PELP1: variants seen among roughly 807,000 people sequenced by gnomAD.
PELP1 encodes proline-, glutamic acid- and leucine-rich protein 1.
In PELP1, 32 loss-of-function variants were observed where a neutral mutation model predicts 95.5. That is an observed-to-expected ratio of 0.34 (90% CI 0.25 to 0.45). The LOEUF (loss-of-function observed/expected upper bound fraction) is 0.45, where lower values mean the gene tolerates loss of function less well. Ranked by LOEUF, PELP1 falls within the 20% of genes least tolerant of loss-of-function variation. The probability of loss-of-function intolerance (pLI) is 1.00; values close to 1 mark genes in which losing one functional copy is unlikely to be tolerated. For synonymous variants in PELP1, 668 were observed against 600.1 expected, an observed-to-expected ratio of 1.11 and a Z score of -1.65; for missense variants, 1,358 against 1,444.8, an observed-to-expected ratio of 0.94 and a Z score of 0.97.
intron 1 of PELP1, among the ~76,000 whole-genome samples, chr17:4,700,992 T>TTA (rs1913505236): frequency 1.4e-4 from 4 of 29,410 alleles, no homozygotes; most frequent in Non-Finnish European, 1.7e-4. Context: ...AAAGTTCCAC[T>TTA]AAAAAAAAAA....
At position 4,671,562 on chromosome 17, in the gene PELP1, T is replaced by A. The variant is rs757181574; in HGVS notation, c.3301-31A>T. ...AGGCACAAAGATACAAGATTCAGAA[T>A]AGTCACACACACATACACAGAAGAA... is the stretch of plus-strand genomic sequence containing the variant. On this transcript the variant is annotated intron_variant, in intron 16 of 16. Coordinates refer to ENST00000572293, the MANE Select transcript of PELP1 (RefSeq NM_014389.3). 18 of 1,612,608 alleles carry A rather than the reference T, an allele frequency of 1.1e-5. 1 individual carries two copies. The South Asian group carries it at 1.5e-4, about 14-fold the overall frequency.
At position 4,672,403 on chromosome 17, in the gene PELP1, T is replaced by A; in HGVS notation, c.2588A>T (p.Glu863Val). The change falls in exon 16 of 17, where the codon GAA (glutamate) becomes GTA (valine). Residue 863 changes from glutamate (E) to valine (V), a missense_variant. Coordinates refer to ENST00000572293, the MANE Select transcript of PELP1 (RefSeq NM_014389.3). ...VTLPPPQLVP[E>V]GTPGGGGPPA... ...GGGTCCTCCCCCACCAGGAGTCCCT[T>A]CAGGGACCAACTGGGGTGGAGGGAG... The A allele has an allele frequency of 6.4e-7, 1 of 1,562,824 alleles. No individual in the cohort carries two copies. Among genetic ancestry groups the A allele is most frequent in the South Asian group, 1.2e-5 (1 of 84,850 alleles).
intron 1 of PELP1, among the ~76,000 whole-genome samples, chr17:4,701,320 G>GA (rs2150568155): frequency 7.9e-6 from 1 of 126,088 alleles, no homozygotes; most frequent in South Asian, 2.7e-4. Flanking sequence ...AGGAGGATGA[G>GA]AGTTGGGGGG....
chr17:4,681,619 A>G (rs1377299689), intron 5 of PELP1, among the ~76,000 whole-genome samples: 8 of 151,184 alleles, frequency 5.3e-5, no homozygotes, highest in South Asian at 2.1e-4. Context: ...GGCCAACATG[A>G]TGAAACCCCA....
chr17:4,673,673 G>A lies in PELP1; in HGVS notation c.1584C>T (p.Gly528=), dbSNP rs1330764872. ...NSDVCAAALR[G]LSRTILMCGP... ...CACACATGAGGATGGTCCGGCTGAGGCCTGGGGAAGAAGAATGGTGTGTAA... is the reference window on the plus strand; with the variant it reads ...CACACATGAGGATGGTCCGGCTGAGACCTGGGGAAGAAGAATGGTGTGTAA... The change falls in exon 14 of 17, where the codon GGC becomes GGT. Residue 528 remains glycine (G), a splice_region_variant and synonymous_variant. Coordinates refer to ENST00000572293, the MANE Select transcript of PELP1 (RefSeq NM_014389.3). The surrounding 1 kb of genome is among the most constrained non-coding windows in gnomAD (Gnocchi z 5.7). 1 of 1,613,728 alleles carries A rather than the reference G, an allele frequency of 6.2e-7. No homozygotes were observed. The highest frequency in any genetic ancestry group is 8.5e-7 in the Non-Finnish European group (1 of 1,179,658).
In PELP1 at chr17:4,674,666, G is replaced by A. The variant is rs988760771; in HGVS notation, c.1426C>T (p.Arg476Cys). The change falls in exon 13 of 17, where the codon CGT (arginine) becomes TGT (cysteine). Residue 476 changes from arginine to cysteine, a missense_variant. By Grantham distance (180) the Arg-to-Cys change is radical (BLOSUM62 -3). Transcript: ENST00000572293. Reference protein sequence around the residue: ...ISPPADALKLRSPRGSPDGSL... With the variant: ...ISPPADALKLCSPRGSPDGSL... Reference sequence around the variant, plus strand: ...CCATCAGGGCTCCCCCGCGGGCTACGCAGCTGGAGGCAGAGAAAACATAAA... The same window carrying A: ...CCATCAGGGCTCCCCCGCGGGCTACACAGCTGGAGGCAGAGAAAACATAAA... 1.0e-5 allele frequency: 16 copies of A among 1,592,696 alleles called. No homozygotes were observed. The highest frequency in any genetic ancestry group is 1.4e-5 in the Non-Finnish European group (16 of 1,173,298).
chr17:4,694,378 G>A (rs559568015), intron 1 of PELP1, among the ~76,000 whole-genome samples: 3 of 151,860 alleles, frequency 2.0e-5, no homozygotes, highest in South Asian at 2.1e-4. Flanking sequence ...GTGGCCGGGC[G>A]CAGTGGCTCA....
rs528752054 is a variant in PELP1 at position 4,683,431 on chromosome 17, A to G, written c.421-479T>C. 8.0e-4 allele frequency among the ~76,000 whole-genome samples: 121 copies of G among 151,280 alleles called. 1 individual carries two copies. The East Asian group carries it at 0.013, about 16-fold the overall frequency. ...GAGACGGGGTTTCACTATGTTAGCC[A>G]GGATGGTCTCGATCTCCGACCTCGT... On this transcript the variant is annotated intron_variant, in intron 3 of 16. Coordinates refer to ENST00000572293, the MANE Select transcript of PELP1 (RefSeq NM_014389.3).
At position 4,671,426 on chromosome 17, in the gene PELP1, G is replaced by T; in HGVS notation, c.*13C>A. On this transcript the variant is annotated 3_prime_UTR_variant, in exon 17 of 17. Transcript: ENST00000572293. ...AACTTTATTGGAAACAAAGAGTGGG[G>T]TGCAGAAGATGGCTAGGAGTCAGGC... 7.8e-7 allele frequency: 1 copy of T among 1,277,982 alleles called. No homozygotes were observed. The highest frequency in any genetic ancestry group is 1.1e-6 in the Non-Finnish European group (1 of 872,896). 79.2% of individuals were successfully genotyped at this position (1,277,982 alleles called of 1,614,324 possible).
intron 1 of PELP1, 78 bp downstream of exon 1, chr17:4,703,785 C>T: frequency 1.5e-6 from 2 of 1,299,604 alleles, no homozygotes; most frequent in Non-Finnish European, 1.1e-6. Flanking sequence ...ATCGCACTTG[C>T]ACTGCACCGT....
rs9436 is a variant in PELP1 at position 4,671,456 on chromosome 17, T to A, written c.3376A>T (p.Thr1126Ser). ...PPDDEKPPPP[T>S]EPDS ...GAAGATGGCTAGGAGTCAGGCTCTGTGGGAGGTGGTGGCTTCTCATCATCA... is the reference window on the plus strand; with the variant it reads ...GAAGATGGCTAGGAGTCAGGCTCTGAGGGAGGTGGTGGCTTCTCATCATCA... The change falls in exon 17 of 17, where the codon ACA becomes TCA. Residue 1126 changes from threonine to serine, a missense_variant. Around this residue, in one of 7 missense-constraint regions of PELP1, gnomAD observed 283 missense variants for 284.1 expected, o/e 1.00. Transcript: ENST00000572293. 319,109 of 1,550,272 alleles carry A rather than the reference T, an allele frequency of 0.21. 37,066 individuals are homozygous for A. Among genetic ancestry groups the A allele is most frequent in the Non-Finnish European group, 0.24 (271,266 of 1,121,816 alleles).
At chr17:4,693,421 GT>G (rs369827779) in intron 1 of PELP1, among the ~76,000 whole-genome samples, 1 of 152,186 alleles carries the variant, frequency 6.6e-6, no homozygotes, top group East Asian at 1.9e-4. Context: ...TACATAAACT[GT>G]TTTTTTCCTA....
At chr17:4,693,603 C>A (rs1227918347) in intron 1 of PELP1, among the ~76,000 whole-genome samples, 1 of 152,196 alleles carries the variant, frequency 6.6e-6, no homozygotes, top group African/African-American at 2.4e-5. Context: ...AATACCGCCA[C>A]AGTGGATCTG....
Position 4,675,724 on chromosome 17 carries a change from C to T in PELP1, c.1068+73G>A. On this transcript the variant is annotated intron_variant, in intron 9 of 16. Transcript: ENST00000572293. The surrounding 1 kb of genome is among the most constrained non-coding windows in gnomAD (Gnocchi z 4.3). ...CAGGATGACACTGTTTGGGGAGACTCAGGTCCCCAGTACTTTCCTGGTTGC... is the reference window on the plus strand; with the variant it reads ...CAGGATGACACTGTTTGGGGAGACTTAGGTCCCCAGTACTTTCCTGGTTGC... 1 of 1,080,776 alleles carries T rather than the reference C, an allele frequency of 9.3e-7. No homozygotes were observed. Among genetic ancestry groups the T allele is most frequent in the East Asian group, 2.6e-5 (1 of 38,748 alleles). 66.9% of individuals were successfully genotyped at this position (1,080,776 alleles called of 1,614,324 possible).
intron 1 of PELP1, among the ~76,000 whole-genome samples, chr17:4,693,650 G>A (rs1207676469): frequency 2.6e-5 from 4 of 152,168 alleles, no homozygotes; most frequent in Admixed American, 2.0e-4. Flanking sequence ...CTCAGGCAGG[G>A]AGCATGTGCA....
intron 5 of PELP1, among the ~76,000 whole-genome samples, chr17:4,679,476 C>G (rs1176904458): frequency 6.6e-6 from 1 of 152,182 alleles, no homozygotes; most frequent in Admixed American, 6.5e-5. Flanking sequence ...TTAACTCTTA[C>G]TATTCACACT....
In PELP1 at chr17:4,672,743, T is replaced by C. The variant is rs774512776; in HGVS notation, c.2248A>G (p.Ile750Val). Residue 750 changes from isoleucine (I) to valine (V), a missense_variant, in exon 16 of 17, where the codon ATA becomes GTA. Coordinates refer to ENST00000572293, the MANE Select transcript of PELP1 (RefSeq NM_014389.3). ...LAPSGTPPPT[I>V]PPDETFGGRV... Reference sequence around the variant, plus strand: ...CCCCCAAAAGTTTCATCTGGGGGTATAGTAGGTGGGGGAGTCCCACTAGGG... The same window carrying C: ...CCCCCAAAAGTTTCATCTGGGGGTACAGTAGGTGGGGGAGTCCCACTAGGG... 7.4e-6 allele frequency: 12 copies of C among 1,613,312 alleles called. No homozygotes were observed. Among genetic ancestry groups the C allele is most frequent in the Non-Finnish European group, 1.0e-5 (12 of 1,179,562 alleles).
Position 4,674,953 on chromosome 17 carries a change from C to T in PELP1, c.1278G>A (p.Thr426=), listed in dbSNP as rs879414118. The change falls in exon 12 of 17, where the codon ACG becomes ACA. Residue 426 remains threonine (T), a synonymous_variant. Transcript: ENST00000572293. The stretch of plus-strand genomic sequence containing the variant: ...ATATCGCATACACCTTGGTCCGAAC[C>T]GTGCTGTGTCATGAGCAAAGATGGC... ...LSPGQERPYS[T]VRTKVYAILE... 8.1e-6 allele frequency: 13 copies of T among 1,609,226 alleles called. No individual in the cohort carries two copies. The highest frequency in any genetic ancestry group is 5.0e-5 in the Admixed American group (3 of 59,852).
intron 1 of PELP1, among the ~76,000 whole-genome samples, chr17:4,698,555 T>A (rs1200088479): frequency 6.9e-6 from 1 of 144,372 alleles, no homozygotes; most frequent in Non-Finnish European, 1.5e-5. Flanking sequence ...GGCAGGAGAA[T>A]CGCTTAAACC....
Sources: allele counts gnomAD v4.1 joint callset (sites outside exome capture counted in the v4.1 genomes callset), GRCh38; gene constraint gnomAD v4.1.1; regional missense constraint gnomAD v4.1.1; non-coding constraint Gnocchi (gnomAD v3.1); transcripts MANE v1.5; gene names NCBI Gene and HGNC (gene_info 2026-07-23, HGNC 2026-07-21).